Variants in PROCR observed in about 807,000 individuals in gnomAD.
PROCR encodes protein C receptor.
PROCR carries 22 observed loss-of-function variants against 24.2 expected under a neutral mutation model. The observed-to-expected ratio is 0.91, with a 90% CI of 0.65 to 1.30. PROCR has a LOEUF of 1.30. PROCR is among the 50% of genes most tolerant of loss of function. PROCR has a pLI of 0.00. For synonymous variants in PROCR, 137 were observed against 139.2 expected (o/e 0.98, Z 0.11); for missense variants, 288 against 307.7 (o/e 0.94, Z 0.48).
intron 1 of PROCR, among the ~76,000 whole-genome samples, chr20:35,193,026 A>AGTATAAACT (rs1297920555): frequency 1.3e-5 from 2 of 152,212 alleles, no homozygotes; most frequent in African/African-American, 4.8e-5. Context: ...AACACAAAAA[A>AGTATAAACT]GTATAAACTA....
intron 1 of PROCR, among the ~76,000 whole-genome samples, chr20:35,201,454 G>A (rs570483125): frequency 5.9e-5 from 9 of 152,272 alleles, no homozygotes; most frequent in Admixed American, 2.0e-4. Flanking sequence ...TTGGGAGGCC[G>A]AGGTGGGCTG....
intron 1 of PROCR, among the ~76,000 whole-genome samples, chr20:35,186,826 G>A (rs1412993733): frequency 2.0e-5 from 3 of 151,854 alleles, no homozygotes; most frequent in South Asian, 2.1e-4. Flanking sequence ...GGTGGCACGT[G>A]CCTATAATCC....
chr20:35,186,566 CAAAAAAAAAAAA>C (rs571639984), intron 1 of PROCR, among the ~76,000 whole-genome samples: 1 of 50,122 alleles, frequency 2.0e-5, no homozygotes, highest in Non-Finnish European at 4.0e-5. Context: ...AACTCCATCT[CAAAAAAAAAAAA>C]AAAAAAAATG....
chr20:35,206,462 G>A (rs1256971442), intron 1 of PROCR, among the ~76,000 whole-genome samples: 2 of 109,586 alleles, frequency 1.8e-5, no homozygotes, highest in Non-Finnish European at 3.5e-5. Flanking sequence ...GCAACAGTGT[G>A]AGACTCTATC....
At chr20:35,179,917 A>G (rs778034344), downstream of PROCR, among the ~76,000 whole-genome samples, 9 of 152,254 alleles carry the variant, frequency 5.9e-5, no homozygotes, top group Admixed American at 2.6e-4. Context: ...TGTGGTAAAC[A>G]TGAAGGTGTA....
At position 35,195,832 on chromosome 20, in the gene PROCR, A is replaced by AG. The variant is rs2086210665; in HGVS notation, c.94+19386_94+19387insG. 5.3e-5 allele frequency among the ~76,000 whole-genome samples: 8 copies of AG among 151,242 alleles called. No homozygotes were observed. The East Asian group carries it at 1.4e-3, about 26-fold the overall frequency. On this transcript the variant is annotated intron_variant, in intron 1 of 1. Transcript: ENST00000634509. ...CAAGAGTCTGTCTCAAAAAAAAAAAAAAAAAGAAAAAGAAAAGAAAGAAAG... is the reference window on the plus strand; with the variant it reads ...CAAGAGTCTGTCTCAAAAAAAAAAAAGAAAAAGAAAAAGAAAAGAAAGAAAG...
chr20:35,211,806 G>T (rs1451898593), intron 1 of PROCR, among the ~76,000 whole-genome samples: 1 of 152,168 alleles, frequency 6.6e-6, no homozygotes, highest in Non-Finnish European at 1.5e-5. Context: ...CCGAGATCAG[G>T]AGTTTGAGAC....
At chr20:35,171,752 C>T (rs2085951969), upstream of PROCR, among the ~76,000 whole-genome samples, 1 of 152,162 alleles carries the variant, frequency 6.6e-6, no homozygotes, top group South Asian at 2.1e-4. Flanking sequence ...TGATCCTACT[C>T]CCAGGAGTGT....
At chr20:35,191,315 T>G (rs116617359) in intron 1 of PROCR, among the ~76,000 whole-genome samples, 3,333 of 152,248 alleles carry the variant, frequency 0.022, 100 homozygotes, top group African/African-American at 0.066. Flanking sequence ...GTCACTAGAA[T>G]TACTAAATAA....
rs774749099 is a variant in PROCR at position 35,176,355 on chromosome 20, C to T, written c.510C>T (p.Ala170=). The change falls in exon 3 of 4, where the codon GCC becomes GCT. Residue 170 remains alanine (A), a synonymous_variant. Transcript: ENST00000216968. ...CCTTCACCCTGCAGCAGCTCAATGC[C>T]TACAACCGCACTCGGTATGAACTGC... The part of the protein sequence containing the change: ...VVTFTLQQLN[A]YNRTRYELRE... 4.3e-6 allele frequency: 7 copies of T among 1,614,116 alleles called. No individual in the cohort carries two copies. In the Admixed American group the frequency reaches 1.2e-4, roughly 27 times the overall value.
At chr20:35,193,703 C>A (rs1286634308) in intron 1 of PROCR, among the ~76,000 whole-genome samples, 1 of 152,166 alleles carries the variant, frequency 6.6e-6, no homozygotes, top group East Asian at 1.9e-4. Flanking sequence ...GTGGGAAATG[C>A]ATTCATTATG....
upstream of PROCR, chr20:35,172,054 C>A: frequency 2.8e-6 from 3 of 1,067,978 alleles, no homozygotes; most frequent in Non-Finnish European, 4.4e-6. Context: ...CAGACTCCGC[C>A]CCTCCCAGAC....
rs182068766 is a variant in PROCR at position 35,176,218 on chromosome 20, T to G, written c.373T>G (p.Ser125Ala). 2.5e-6 allele frequency: 4 copies of G among 1,614,092 alleles called. No homozygotes were observed. The highest frequency in any genetic ancestry group is 3.4e-6 in the Non-Finnish European group (4 of 1,180,010). ...GGGCTGTGAGCTGCCTCCCGAGGGC[T>G]CTAGAGCCCATGTCTTCTTCGAAGT... is the stretch of plus-strand genomic sequence containing the variant. ...FLGCELPPEG[S>A]RAHVFFEVAV... is the part of the protein sequence containing the mutation. Residue 125 changes from serine (S) to alanine (A), a missense_variant, in exon 3 of 4, where the codon TCT (serine) becomes GCT (alanine). Transcript: ENST00000216968.
In PROCR at chr20:35,174,941, C is replaced by T. The variant is rs1317140168; in HGVS notation, c.310C>T (p.Arg104Trp). ...HGLVRLVHQERTLAFPLTIRC... is the reference protein window; with the variant it reads ...HGLVRLVHQEWTLAFPLTIRC... ...CCTCGTGCGCCTGGTGCACCAGGAG[C>T]GGACCTTGGCCTGTGAGTAGGCGCG... The change falls in exon 2 of 4, where the codon CGG (arginine) becomes TGG (tryptophan). Residue 104 changes from arginine to tryptophan, a missense_variant. Coordinates refer to ENST00000216968, the MANE Select transcript of PROCR (RefSeq NM_006404.5). 2.2e-6 allele frequency: 3 copies of T among 1,350,982 alleles called. No individual in the cohort carries two copies. The highest frequency in any genetic ancestry group is 2.9e-6 in the Non-Finnish European group (3 of 1,021,930). The allele number at this position is 1,350,982 out of a possible 1,614,324, so 83.7% of individuals were successfully genotyped here. A position where few individuals can be genotyped will look rare whatever the true frequency, so the allele number is the denominator to read the frequency against.
chr20:35,178,436 AG>A (rs2086044322), downstream of PROCR, among the ~76,000 whole-genome samples: 1 of 143,966 alleles, frequency 6.9e-6, no homozygotes, highest in African/African-American at 2.5e-5. Context: ...AAAAAAAAAA[AG>A]AGTATGTGTT....
intron 1 of PROCR, among the ~76,000 whole-genome samples, chr20:35,189,124 C>A (rs1179100904): frequency 1.3e-5 from 2 of 152,080 alleles, no homozygotes; most frequent in East Asian, 3.8e-4. Context: ...GGGAGATAAC[C>A]ATTAGGTCTG....
At chr20:35,177,684 G>A (rs1167351742), downstream of PROCR, among the ~76,000 whole-genome samples, 1 of 151,712 alleles carries the variant, frequency 6.6e-6, no homozygotes, top group East Asian at 1.9e-4. Flanking sequence ...CGCCTACCTC[G>A]GCCTCCCCAA....
downstream of PROCR, among the ~76,000 whole-genome samples, chr20:35,178,817 A>C (rs1237302060): frequency 6.7e-6 from 1 of 149,666 alleles, no homozygotes; most frequent in Non-Finnish European, 1.5e-5. Context: ...GCCCGGCCTA[A>C]GTCTCAGTTT....
At chr20:35,212,742 T>C (rs2060367001) in intron 1 of PROCR, among the ~76,000 whole-genome samples, 1 of 152,254 alleles carries the variant, frequency 6.6e-6, no homozygotes, top group African/African-American at 2.4e-5. Flanking sequence ...TGTTTGCACC[T>C]ATGCAAGGAT....
Sources: allele counts gnomAD v4.1 joint callset (sites outside exome capture counted in the v4.1 genomes callset), GRCh38; gene constraint gnomAD v4.1.1; transcripts MANE v1.5; gene names NCBI Gene and HGNC (gene_info 2026-07-23, HGNC 2026-07-21).